The following GRIK2 variants were observed in gnomAD, a reference collection of about 807,000 sequenced individuals.
The protein encoded by GRIK2 is glutamate ionotropic receptor kainate type subunit 2, also known as glutamate receptor ionotropic, kainate 2.
GRIK2 carries 32 observed loss-of-function variants against 100.3 expected under a neutral mutation model. That is an observed-to-expected ratio of 0.32 (90% confidence interval 0.24 to 0.43). GRIK2 has a LOEUF of 0.43. Ranked by LOEUF, GRIK2 falls within the 20% of genes least tolerant of loss-of-function variation. GRIK2 has a pLI of 1.00. For missense variants in GRIK2, 843 were observed against 1,114.9 expected, an observed-to-expected ratio of 0.76 and a Z score of 3.47; for synonymous variants, 417 against 389.4, an observed-to-expected ratio of 1.07 and a Z score of -0.83.
At chr6:101,491,274 GAA>G (rs11392415) in intron 2 of GRIK2, among the ~76,000 whole-genome samples, 3 of 140,008 alleles carry the variant, frequency 2.1e-5, no homozygotes, top group Non-Finnish European at 3.1e-5. Flanking sequence ...GAGAAAAAAA[GAA>G]AAAAAAAAAA....
chr6:101,424,357 C>T (rs1283679377), intron 2 of GRIK2, among the ~76,000 whole-genome samples: 2 of 144,718 alleles, frequency 1.4e-5, no homozygotes, highest in Admixed American at 1.4e-4. Context: ...GTGTGATGTT[C>T]CCATTCCTCT....
chr6:101,522,103 G>T (rs972437723), intron 2 of GRIK2, among the ~76,000 whole-genome samples: 10 of 151,952 alleles, frequency 6.6e-5, no homozygotes, highest in African/African-American at 2.4e-4. Flanking sequence ...AAATTTTAGG[G>T]CTAAAAGACC....
intron 2 of GRIK2, among the ~76,000 whole-genome samples, chr6:101,545,428 T>C (rs1453444902): frequency 6.6e-6 from 1 of 152,132 alleles, no homozygotes; most frequent in Non-Finnish European, 1.5e-5. Flanking sequence ...AAGAGAAAAT[T>C]TTTTGGGAGT....
At chr6:101,609,563 T>A (rs478344) in intron 2 of GRIK2, among the ~76,000 whole-genome samples, 3,930 of 151,930 alleles carry the variant, frequency 0.026, 172 homozygotes, top group African/African-American at 0.09. Context: ...AATGGCCATT[T>A]GATCAATTTC....
rs1785162540 is a variant in GRIK2, at chr6:101,868,019, C to G, written c.1524+8526C>G. ...AAATGTCTGTAAAAAATGTTTTGGT[C>G]ATAATTTGAAGATTGAGAGAAAGTA... On this transcript the variant is annotated intron_variant, in intron 11 of 16. Coordinates refer to ENST00000369134, the MANE Select transcript of GRIK2 (RefSeq NM_021956.5). 4.0e-5 allele frequency among the ~76,000 whole-genome samples: 6 copies of G among 151,322 alleles called. No individual in the cohort carries two copies. In the South Asian group the frequency reaches 1.2e-3, roughly 31 times the overall value.
intron 10 of GRIK2, among the ~76,000 whole-genome samples, chr6:101,838,510 A>G (rs188440284): frequency 2.6e-5 from 4 of 152,356 alleles, no homozygotes; most frequent in African/African-American, 9.6e-5. Context: ...ACACTGTCAC[A>G]GTAAGACTGT....
chr6:102,058,844 G>A (rs533970838), intron 16 of GRIK2, among the ~76,000 whole-genome samples: 1 of 151,380 alleles, frequency 6.6e-6, no homozygotes, highest in Non-Finnish European at 1.5e-5. Flanking sequence ...AAGCACGAAT[G>A]TATTGGTGAC....
chr6:101,723,494 C>G (rs1390868547), intron 7 of GRIK2, among the ~76,000 whole-genome samples: 1 of 151,964 alleles, frequency 6.6e-6, no homozygotes, highest in African/African-American at 2.4e-5. Flanking sequence ...GAAACTGGAA[C>G]ATATGTTTAT....
chr6:101,904,231 G>A (rs1788070916), intron 12 of GRIK2, among the ~76,000 whole-genome samples: 1 of 151,416 alleles, frequency 6.6e-6, no homozygotes, highest in African/African-American at 2.4e-5. Flanking sequence ...ACAAGACTAA[G>A]AATCTAGTCT....
chr6:101,918,788 G>A (rs1295125458), intron 12 of GRIK2, among the ~76,000 whole-genome samples: 1 of 151,692 alleles, frequency 6.6e-6, no homozygotes, highest in Non-Finnish European at 1.5e-5. Context: ...ATAATAATGA[G>A]GAGGAGGAGA....
intron 2 of GRIK2, among the ~76,000 whole-genome samples, chr6:101,504,233 C>T (rs1050034483): frequency 3.3e-5 from 5 of 152,006 alleles, no homozygotes; most frequent in African/African-American, 1.2e-4. Flanking sequence ...TATTTAAAAT[C>T]GTATGTTTAA....
chr6:101,490,937 A>C (rs1209701777), intron 2 of GRIK2, among the ~76,000 whole-genome samples: 2 of 137,944 alleles, frequency 1.4e-5, no homozygotes, highest in Non-Finnish European at 3.2e-5. Context: ...GCATGCGTGC[A>C]CATACACACA....
intron 12 of GRIK2, among the ~76,000 whole-genome samples, chr6:101,904,754 C>A (rs530960702): frequency 6.6e-6 from 1 of 151,514 alleles, no homozygotes; most frequent in East Asian, 1.9e-4. Flanking sequence ...TTATTACCTT[C>A]TGTGGTAAAG....
intron 10 of GRIK2, among the ~76,000 whole-genome samples, chr6:101,851,066 G>A (rs1325374775): frequency 1.3e-5 from 2 of 151,980 alleles, no homozygotes; most frequent in African/African-American, 2.4e-5. Context: ...ATTAAATATG[G>A]GAAGAGTAAT....
rs1779357568 is a variant in GRIK2 at position 101,604,442 on chromosome 6, AC to A, written c.116-17506del. Among the ~76,000 whole-genome samples, 6 of 151,996 alleles carry A rather than the reference AC, an allele frequency of 3.9e-5. No individual in the cohort carries two copies. In the South Asian group the frequency reaches 1.2e-3, roughly 31 times the overall value. ...GGGAGCCTAATTTAATACACATGAA[AC>A]TATGACAGAAATAAAGAACAAGGCA... On this transcript the variant is annotated intron_variant, in intron 2 of 16. Coordinates refer to ENST00000369134, the MANE Select transcript of GRIK2 (RefSeq NM_021956.5).
intron 14 of GRIK2, among the ~76,000 whole-genome samples, chr6:101,987,729 T>G (rs1346753813): frequency 2.0e-5 from 3 of 151,182 alleles, no homozygotes; most frequent in African/African-American, 7.3e-5. Context: ...AATATCTTCA[T>G]TTTTTAAACT....
intron 2 of GRIK2, among the ~76,000 whole-genome samples, chr6:101,538,610 A>G (rs1184125460): frequency 7.5e-6 from 1 of 132,656 alleles, no homozygotes; most frequent in East Asian, 2.3e-4. Context: ...TGCCCTCAGT[A>G]TCTTTTTTTT....
intron 10 of GRIK2, among the ~76,000 whole-genome samples, chr6:101,821,274 C>G (rs1781932329): frequency 6.6e-6 from 1 of 152,110 alleles, no homozygotes; most frequent in African/African-American, 2.4e-5. Context: ...CAATCATAAT[C>G]AAGTTTATAT....
chr6:101,527,107 A>G (rs1775193666), intron 2 of GRIK2, among the ~76,000 whole-genome samples: 1 of 152,208 alleles, frequency 6.6e-6, no homozygotes, highest in Non-Finnish European at 1.5e-5. Context: ...ATCTGATCAT[A>G]TTAAAGGTTG....
Sources: gnomAD v4.1 joint callset for allele counts (sites outside exome capture counted in the v4.1 genomes callset) on GRCh38, gnomAD v4.1.1 for gene constraint, MANE v1.5 for transcripts, NCBI Gene and HGNC (gene_info 2026-07-23, HGNC 2026-07-21) for gene names.